Variants in NDEL1 observed in about 807,000 individuals in gnomAD.
NDEL1 encodes the protein nudE neurodevelopment protein 1 like 1, also known as nuclear distribution protein nudE-like 1.
Under a neutral mutation model 45.7 loss-of-function variants are expected in NDEL1, and 9 were observed. The observed-to-expected ratio is 0.20, with a 90% confidence interval of 0.12 to 0.34. NDEL1 has a LOEUF of 0.34. Among genes scored for constraint, NDEL1 ranks in the 10% least tolerant of loss-of-function variants. NDEL1 has a pLI of 1.00. For synonymous variants in NDEL1, 133 were observed against 158.6 expected (o/e 0.84, Z 1.21); for missense variants, 306 against 406.2 (o/e 0.75, Z 2.12).
intron 1 of NDEL1, among the ~76,000 whole-genome samples, chr17:8,415,571 G>T (rs1908528795): frequency 6.6e-6 from 1 of 151,794 alleles, no homozygotes; most frequent in African/African-American, 2.4e-5. Context: ...GAGTAGCTGG[G>T]ACTACAGGCA....
intron 1 of NDEL1, among the ~76,000 whole-genome samples, chr17:8,420,642 G>A (rs1429198209): frequency 6.6e-6 from 1 of 152,240 alleles, no homozygotes; most frequent in Non-Finnish European, 1.5e-5. Context: ...ACACAGATAA[G>A]TCAGATGTAT....
intron 1 of NDEL1, among the ~76,000 whole-genome samples, chr17:8,440,529 A>T (rs4791315): frequency 0.96 from 144,643 of 150,274 alleles, 69,867 homozygotes; most frequent in Non-Finnish European, 1. Context: ...AAAAAAAAAA[A>T]AAAGAATGTG....
At chr17:8,422,158 A>G (rs972868987) in intron 1 of NDEL1, among the ~76,000 whole-genome samples, 2 of 152,154 alleles carry the variant, frequency 1.3e-5, no homozygotes, top group Admixed American at 1.3e-4. Flanking sequence ...CCTCTGCTCT[A>G]TGTCTCTGGG....
At chr17:8,441,323 A>G (rs1252278026) in intron 1 of NDEL1, among the ~76,000 whole-genome samples, 3 of 152,218 alleles carry the variant, frequency 2.0e-5, no homozygotes, top group African/African-American at 7.2e-5. Context: ...AGGTATTATC[A>G]TCAAAGGCTA....
intron 1 of NDEL1, among the ~76,000 whole-genome samples, chr17:8,429,395 T>C (rs1908947181): frequency 6.6e-6 from 1 of 152,206 alleles, no homozygotes; most frequent in Non-Finnish European, 1.5e-5. Context: ...ATTGGACATC[T>C]CTGTAACCAA....
At chr17:8,445,955 CAAAA>C in intron 3 of NDEL1, 91 bp downstream of exon 3, 2 of 1,240,568 alleles carry the variant, frequency 1.6e-6, no homozygotes, top group South Asian at 2.8e-5. Context: ...CAGCTGGCGA[CAAAA>C]AATAGTTTGA....
chr17:8,453,727 T>TA (rs1184577098), intron 6 of NDEL1, among the ~76,000 whole-genome samples: 1 of 152,178 alleles, frequency 6.6e-6, no homozygotes, highest in Non-Finnish European at 1.5e-5. Context: ...TAATAGGATT[T>TA]AAAAAATTGA....
chr17:8,467,052 C>T lies in NDEL1; in HGVS notation c.*29C>T, dbSNP rs1484169225. Reference sequence around the variant, plus strand: ...CCTAGCCTCCAGGTGGGGGCTCCTGCCCTCCTCCAACAACCCAGGACACCC... The same window carrying T: ...CCTAGCCTCCAGGTGGGGGCTCCTGTCCTCCTCCAACAACCCAGGACACCC... On this transcript the variant is annotated 3_prime_UTR_variant, in exon 9 of 9. Transcript: ENST00000334527. This position sits in a 1 kb window ranked among gnomAD's most constrained non-coding sequence, Gnocchi z 6.3. 2 of 1,609,420 alleles carry T rather than the reference C, an allele frequency of 1.2e-6. No individual in the cohort carries two copies. Among genetic ancestry groups the T allele is most frequent in the South Asian group, 1.1e-5 (1 of 90,990 alleles).
chr17:8,431,567 T>C (rs768759138), upstream of NDEL1, among the ~76,000 whole-genome samples: 10 of 152,214 alleles, frequency 6.6e-5, no homozygotes, highest in Admixed American at 2.0e-4. Context: ...TAGTTGTTAA[T>C]AGTGTGTTTT....
intron 6 of NDEL1, among the ~76,000 whole-genome samples, chr17:8,451,310 C>A (rs767805544): frequency 2.0e-5 from 3 of 152,186 alleles, no homozygotes; most frequent in African/African-American, 7.2e-5. Context: ...CAGGCACCCA[C>A]CATTAACATT....
intron 1 of NDEL1, chr17:8,413,319 G>A (rs753201334): frequency 6.6e-6 from 1 of 152,572 alleles, no homozygotes; most frequent in Middle Eastern, 3.4e-3. Context: ...CCACATGAGG[G>A]TTTGCCTGAG....
rs774264997 is a variant in NDEL1 at position 8,450,839 on chromosome 17, C to G, written c.586C>G (p.Pro196Ala). 4 of 1,612,436 alleles carry G rather than the reference C, an allele frequency of 2.5e-6. No individual in the cohort carries two copies. The highest frequency in any genetic ancestry group is 3.4e-6 in the Non-Finnish European group (4 of 1,179,478). ...ACAGGAAGTAACTAGAAAGTCGGCTCCTAGCTCTCCAACTCTAGACTGTGA... is the reference window on the plus strand; with the variant it reads ...ACAGGAAGTAACTAGAAAGTCGGCTGCTAGCTCTCCAACTCTAGACTGTGA... ...RQQEVTRKSA[P>A]SSPTLDCEKM... The change falls in exon 6 of 9, where the codon CCT (proline) becomes GCT (alanine). Residue 196 changes from proline to alanine, a missense_variant. Physicochemically the swap from Pro to Ala is conservative, Grantham distance 27. This residue lies in a region of NDEL1 where 175 missense variants were observed against 205.2 expected (regional missense o/e 0.85). Coordinates refer to ENST00000334527, the MANE Select transcript of NDEL1 (RefSeq NM_030808.5).
intron 7 of NDEL1, among the ~76,000 whole-genome samples, chr17:8,458,198 C>G: frequency 6.6e-6 from 1 of 151,530 alleles, no homozygotes; most frequent in Non-Finnish European, 1.5e-5. Flanking sequence ...CCTCTTTTCT[C>G]TCCTTCTCTG....
intron 8 of NDEL1, chr17:8,464,299 A>G (rs1003210842): frequency 1.3e-5 from 2 of 152,120 alleles, no homozygotes; most frequent in African/African-American, 4.8e-5. Context: ...AGCCTGCCCC[A>G]TCACTCTTCC....
At chr17:8,420,118 C>T (rs1908665904) in intron 1 of NDEL1, among the ~76,000 whole-genome samples, 1 of 152,168 alleles carries the variant, frequency 6.6e-6, no homozygotes, top group African/African-American at 2.4e-5. Flanking sequence ...TTCTCTTCTA[C>T]GTCTGAGGGT....
chr17:8,426,127 T>A (rs1908824757), intron 1 of NDEL1, among the ~76,000 whole-genome samples: 2 of 152,220 alleles, frequency 1.3e-5, no homozygotes, highest in Non-Finnish European at 2.9e-5. Context: ...TTTTCCTTCT[T>A]TTTGTTTTTT....
At chr17:8,446,693 C>CTTGAGTT in intron 3 of NDEL1, 61 bp from the exon 4 acceptor site, 1 of 1,515,876 alleles carries the variant, frequency 6.6e-7, no homozygotes, top group South Asian at 1.2e-5. Flanking sequence ...ACTTGAGTTA[C>CTTGAGTT]CTCTTTAGTA....
At chr17:8,440,765 G>C (rs1040055720) in intron 1 of NDEL1, among the ~76,000 whole-genome samples, 1 of 152,220 alleles carries the variant, frequency 6.6e-6, no homozygotes, top group African/African-American at 2.4e-5. Context: ...AATACATCCA[G>C]AGGGGTAAAC....
At chr17:8,463,548 A>G (rs1911375366) in intron 8 of NDEL1, among the ~76,000 whole-genome samples, 1 of 152,232 alleles carries the variant, frequency 6.6e-6, no homozygotes, top group African/African-American at 2.4e-5. Context: ...TGTGAGAAAC[A>G]AGAACAAATT....
Sources: gnomAD v4.1 joint callset for allele counts (sites outside exome capture counted in the v4.1 genomes callset) on GRCh38, gnomAD v4.1.1 for gene constraint, gnomAD v4.1.1 regional missense constraint, Gnocchi (gnomAD v3.1) non-coding constraint, MANE v1.5 for transcripts, NCBI Gene and HGNC (gene_info 2026-07-23, HGNC 2026-07-21) for gene names.